XPO6: variants seen among roughly 807,000 people sequenced by gnomAD.
The protein encoded by XPO6 is exportin-6.
XPO6 carries 3 observed loss-of-function variants against 130.0 expected under a neutral mutation model. That is an observed-to-expected ratio of 0.02 (90% CI 0.01 to 0.06). The LOEUF (loss-of-function observed/expected upper bound fraction) is 0.06. XPO6 is among the 10% of genes least tolerant of loss of function. XPO6 has a pLI of 1.00. For missense variants in XPO6, 970 were observed against 1,393.0 expected, an observed-to-expected ratio of 0.70 and a Z score of 4.83; for synonymous variants, 524 against 548.9, an observed-to-expected ratio of 0.95 and a Z score of 0.63.
chr16:28,155,274 C>A (rs1353286158), intron 7 of XPO6, among the ~76,000 whole-genome samples: 2 of 152,106 alleles, frequency 1.3e-5, no homozygotes, highest in Admixed American at 6.5e-5. Context: ...TAATTCGATA[C>A]GATTTATTGC....
rs181760 is a variant in XPO6, at chr16:28,133,844, T to C, written c.1533A>G (p.Thr511=). 10 of 1,613,792 alleles carry C rather than the reference T, an allele frequency of 6.2e-6. No individual in the cohort carries two copies. Among genetic ancestry groups the C allele is most frequent in the Non-Finnish European group, 8.5e-6 (10 of 1,179,940 alleles). ...MELLPTHAFS[T]LFPVLQDNLE... is the part of the protein sequence containing the mutation. ...ACTCCCCCGGACAGCACATTACCAG[T>C]GTGGAGAAGGCGTGCGTGGGCAGGA... Residue 511 remains threonine, a synonymous_variant, in exon 11 of 24, where the codon ACA becomes ACG. Transcript: ENST00000304658.
intron 23 of XPO6, among the ~76,000 whole-genome samples, chr16:28,099,876 T>A (rs1421285094): frequency 6.6e-6 from 1 of 152,140 alleles, no homozygotes; most frequent in Non-Finnish European, 1.5e-5. Flanking sequence ...AAAAACCAAC[T>A]AAGGGATGTC....
chr16:28,165,669 C>T (rs74014229), intron 6 of XPO6, among the ~76,000 whole-genome samples: 8,947 of 152,208 alleles, frequency 0.059, 662 homozygotes, highest in East Asian at 0.17. Context: ...GGCTTAGAGA[C>T]GTCTGACTTC....
At chr16:28,154,469 A>G in intron 7 of XPO6, 1 of 208,668 alleles carries the variant, frequency 4.8e-6, no homozygotes, top group Non-Finnish European at 8.4e-6. Context: ...AGTAGAGGGA[A>G]AGAGAAGCCA....
chr16:28,099,050 G>C (rs1196900100), intron 23 of XPO6, among the ~76,000 whole-genome samples: 1 of 152,194 alleles, frequency 6.6e-6, no homozygotes, highest in Non-Finnish European at 1.5e-5. Context: ...CTCAAACGCA[G>C]ACATGGCTGT....
rs563822428 is a variant in XPO6 at position 28,188,479 on chromosome 16, G to A, written c.4-7448C>T. 1.1e-4 allele frequency among the ~76,000 whole-genome samples: 17 copies of A among 152,108 alleles called. No homozygotes were observed. The South Asian group carries it at 2.9e-3, about 26-fold the overall frequency. ...CCTATTTGCTGTATATAAAGGTTTC[G>A]AAGAAAAGTGATTCTATCCCTGCTG... On this transcript the variant is annotated intron_variant, in intron 1 of 23. Coordinates refer to ENST00000304658, the MANE Select transcript of XPO6 (RefSeq NM_015171.4).
At chr16:28,135,672 T>C (rs1294792571) in intron 9 of XPO6, among the ~76,000 whole-genome samples, 1 of 152,248 alleles carries the variant, frequency 6.6e-6, no homozygotes, top group Non-Finnish European at 1.5e-5. Flanking sequence ...AATATCTCTT[T>C]CCATCTTTTT....
At chr16:28,203,291 AAGTC>A (rs947202571) in intron 1 of XPO6, among the ~76,000 whole-genome samples, 6 of 152,032 alleles carry the variant, frequency 3.9e-5, no homozygotes, top group South Asian at 2.1e-4. Context: ...AAAAAAAAAA[AAGTC>A]AGTCAGCAAT....
intron 1 of XPO6, 119 bp downstream of exon 1, chr16:28,211,247 G>A: frequency 1.8e-6 from 2 of 1,089,392 alleles, no homozygotes; most frequent in Non-Finnish European, 2.4e-6. Flanking sequence ...CACCGGCCAG[G>A]CTCCGCACGC....
intron 1 of XPO6, among the ~76,000 whole-genome samples, chr16:28,193,496 T>A (rs975263553): frequency 6.6e-6 from 1 of 152,164 alleles, no homozygotes; most frequent in Non-Finnish European, 1.5e-5. Flanking sequence ...CTAAAACTTG[T>A]ACAATATAAA....
At chr16:28,168,771 TTTTTG>T (rs924648052) in intron 5 of XPO6, among the ~76,000 whole-genome samples, 2 of 147,876 alleles carry the variant, frequency 1.4e-5, no homozygotes, top group Non-Finnish European at 3.0e-5. Flanking sequence ...CCAGCTAACT[TTTTTG>T]TTTTGTTTTT....
chr16:28,203,852 TG>T (rs2043987235), intron 1 of XPO6, among the ~76,000 whole-genome samples: 1 of 152,338 alleles, frequency 6.6e-6, no homozygotes, highest in Admixed American at 6.5e-5. Flanking sequence ...GTGTAACATC[TG>T]GTTTCCCACA....
intron 2 of XPO6, among the ~76,000 whole-genome samples, 189 bp from the exon 3 acceptor site, chr16:28,177,521 A>T (rs186365054): frequency 6.6e-6 from 1 of 152,354 alleles, no homozygotes; most frequent in East Asian, 1.9e-4. Context: ...GACCATGGAC[A>T]CTGACAATGT....
intron 9 of XPO6, among the ~76,000 whole-genome samples, chr16:28,140,085 A>G (rs2042858732): frequency 6.6e-6 from 1 of 152,046 alleles, no homozygotes; most frequent in Admixed American, 6.5e-5. Flanking sequence ...TACAAAAATT[A>G]GCCAGGCGTG....
intron 1 of XPO6, among the ~76,000 whole-genome samples, chr16:28,193,389 C>T (rs1440037836): frequency 6.6e-6 from 1 of 152,164 alleles, no homozygotes; most frequent in Non-Finnish European, 1.5e-5. Flanking sequence ...CAATGCTCCT[C>T]CCATCCCCGC....
chr16:28,152,995 C>A, intron 7 of XPO6: 1 of 1,222,420 alleles, frequency 8.2e-7, no homozygotes, highest in Non-Finnish European at 1.0e-6. Context: ...AACTTTAATC[C>A]TCAGACACTG....
chr16:28,111,717 A>G (rs966365891), intron 17 of XPO6, 100 bp downstream of exon 17: 3 of 1,409,174 alleles, frequency 2.1e-6, no homozygotes, highest in African/African-American at 1.4e-5. Flanking sequence ...ATGAACAAAA[A>G]AAATTTACCT....
At chr16:28,104,476 C>G in intron 21 of XPO6, 70 bp downstream of exon 21, 2 of 1,567,984 alleles carry the variant, frequency 1.3e-6, no homozygotes, top group Non-Finnish European at 1.7e-6. Context: ...TGTGGGGCTT[C>G]GAAGACAGGA....
intron 13 of XPO6, among the ~76,000 whole-genome samples, chr16:28,122,308 T>C (rs941749632): frequency 2.6e-5 from 4 of 152,104 alleles, no homozygotes; most frequent in Non-Finnish European, 5.9e-5. Flanking sequence ...GTTTTATAAA[T>C]GAGGAGAATA....
Sources: allele counts gnomAD v4.1 joint callset (sites outside exome capture counted in the v4.1 genomes callset), GRCh38; gene constraint gnomAD v4.1.1; transcripts MANE v1.5; gene names NCBI Gene and HGNC (gene_info 2026-07-23, HGNC 2026-07-21).